SLC44A5: variants seen among roughly 807,000 people sequenced by gnomAD.
SLC44A5 encodes the protein choline transporter-like protein 5.
SLC44A5 carries 57 observed loss-of-function variants against 101.8 expected under a neutral mutation model. The ratio of observed to expected loss-of-function variants is 0.56; its 90% CI spans 0.45 to 0.70. SLC44A5 has a LOEUF of 0.70. Among genes scored for constraint, SLC44A5 ranks in the 30% least tolerant of loss-of-function variants. SLC44A5 has a pLI of 0.00. For missense variants in SLC44A5, 737 were observed against 853.1 expected (o/e 0.86, Z 1.70); for synonymous variants, 281 against 290.9 (o/e 0.97, Z 0.35).
chr1:75,505,325 G>T (rs904237398), intron 2 of SLC44A5, among the ~76,000 whole-genome samples: 2 of 152,158 alleles, frequency 1.3e-5, no homozygotes, highest in Non-Finnish European at 2.9e-5. Flanking sequence ...ATGAACAAAT[G>T]AGTGCATGTG....
chr1:75,564,176 C>T (rs1281337570), intron 1 of SLC44A5, among the ~76,000 whole-genome samples: 1 of 152,098 alleles, frequency 6.6e-6, no homozygotes, highest in Non-Finnish European at 1.5e-5. Context: ...GCTAGACTGA[C>T]CTGTGAAAAC....
intron 2 of SLC44A5, among the ~76,000 whole-genome samples, chr1:75,417,654 T>C (rs1056384271): frequency 2.0e-5 from 3 of 152,222 alleles, no homozygotes; most frequent in East Asian, 3.8e-4. Context: ...CTGTGTCATG[T>C]TGACGTTGGA....
intron 23 of SLC44A5, among the ~76,000 whole-genome samples, chr1:75,204,324 G>T (rs988533789): frequency 5.9e-5 from 9 of 152,070 alleles, no homozygotes; most frequent in African/African-American, 2.2e-4. Flanking sequence ...TAAGAAAATG[G>T]CTTCTAAATA....
intron 1 of SLC44A5, among the ~76,000 whole-genome samples, chr1:75,559,701 A>T (rs1672413042): frequency 6.6e-6 from 1 of 152,182 alleles, no homozygotes; most frequent in South Asian, 2.1e-4. Flanking sequence ...TTCACTAAAA[A>T]TTTTTAAATT....
At chr1:75,459,540 G>C (rs1275438194) in intron 2 of SLC44A5, among the ~76,000 whole-genome samples, 1 of 152,134 alleles carries the variant, frequency 6.6e-6, no homozygotes, top group Non-Finnish European at 1.5e-5. Flanking sequence ...GTGCAAGAAA[G>C]GTATGGTAAT....
At chr1:75,539,856 T>C (rs905818643) in intron 2 of SLC44A5, among the ~76,000 whole-genome samples, 5 of 152,190 alleles carry the variant, frequency 3.3e-5, no homozygotes, top group African/African-American at 1.2e-4. Flanking sequence ...ATATCTCTTC[T>C]AGGTTATTTA....
chr1:75,700,498 T>C, the SLC44A5 span, among the ~76,000 whole-genome samples: 263 of 152,186 alleles, frequency 1.7e-3, no homozygotes, highest in African/African-American at 5.8e-3. Flanking sequence ...CTGGGACACA[T>C]TGAAAGCAGT....
chr1:75,712,080 GTCTT>G, the SLC44A5 span, among the ~76,000 whole-genome samples: 5 of 152,158 alleles, frequency 3.3e-5, no homozygotes, highest in Non-Finnish European at 5.9e-5. Flanking sequence ...CATTCTCTTT[GTCTT>G]TCTATTGGTT....
intron 6 of SLC44A5, among the ~76,000 whole-genome samples, chr1:75,271,894 T>C (rs1651510824): frequency 6.6e-6 from 1 of 152,160 alleles, no homozygotes; most frequent in Non-Finnish European, 1.5e-5. Context: ...AACCCCATAC[T>C]GTTTTCCATA....
the SLC44A5 span, among the ~76,000 whole-genome samples, chr1:75,703,505 C>G: frequency 2.7e-5 from 4 of 146,968 alleles, no homozygotes; most frequent in Admixed American, 2.1e-4. Flanking sequence ...ACAGCGGGGC[C>G]TGTTGTGGGG....
intron 23 of SLC44A5, among the ~76,000 whole-genome samples, chr1:75,210,703 T>TA (rs1646836392): frequency 1.3e-5 from 2 of 152,256 alleles, no homozygotes; most frequent in South Asian, 4.1e-4. Flanking sequence ...ATTATTCACT[T>TA]AAAAAATCAA....
intron 2 of SLC44A5, among the ~76,000 whole-genome samples, chr1:75,418,724 C>T (rs971634116): frequency 1.3e-5 from 2 of 152,124 alleles, no homozygotes; most frequent in African/African-American, 4.8e-5. Context: ...GGGATGTTAT[C>T]CTAAATGCAA....
At chr1:75,426,001 G>C (rs1557772329) in intron 2 of SLC44A5, among the ~76,000 whole-genome samples, 1 of 152,096 alleles carries the variant, frequency 6.6e-6, no homozygotes, top group African/African-American at 2.4e-5. Context: ...TTTGTCTCTA[G>C]AGAATGATGC....
At chr1:75,686,084 G>A in the SLC44A5 span, among the ~76,000 whole-genome samples, 1 of 152,082 alleles carries the variant, frequency 6.6e-6, no homozygotes, top group Non-Finnish European at 1.5e-5. Context: ...AAAACAGCAT[G>A]AGGGTAACCA....
chr1:75,253,980 C>A (rs1172546946), intron 6 of SLC44A5, among the ~76,000 whole-genome samples: 1 of 151,920 alleles, frequency 6.6e-6, no homozygotes, highest in Non-Finnish European at 1.5e-5. Context: ...ATTAGTATTT[C>A]AGCACAAATC....
At chr1:75,615,027 G>T (rs942819615), upstream of SLC44A5, among the ~76,000 whole-genome samples, 5 of 152,132 alleles carry the variant, frequency 3.3e-5, no homozygotes, top group Non-Finnish European at 7.4e-5. Flanking sequence ...CAGCCCAGGA[G>T]GCTCCCTCCC....
intron 2 of SLC44A5, among the ~76,000 whole-genome samples, chr1:75,400,357 T>C (rs1005429267): frequency 1.3e-5 from 2 of 152,172 alleles, no homozygotes; most frequent in Admixed American, 1.3e-4. Flanking sequence ...AACCTGCTCT[T>C]ACAGTAATAA....
chr1:75,444,176 G>T (rs1452653774), intron 2 of SLC44A5, among the ~76,000 whole-genome samples: 1 of 151,790 alleles, frequency 6.6e-6, no homozygotes, highest in Non-Finnish European at 1.5e-5. Context: ...AATTAGCTGG[G>T]CATGGTGACG....
chr1:75,682,275 A>C, the SLC44A5 span, among the ~76,000 whole-genome samples: 2 of 152,152 alleles, frequency 1.3e-5, no homozygotes, highest in East Asian at 1.9e-4. Context: ...ATATGGAACC[A>C]AAAAAGAGCC....
Sources: gnomAD v4.1 joint callset for allele counts (sites outside exome capture counted in the v4.1 genomes callset) on GRCh38, gnomAD v4.1.1 for gene constraint, MANE v1.5 for transcripts, NCBI Gene and HGNC (gene_info 2026-07-23, HGNC 2026-07-21) for gene names.